Variants in TBC1D24 observed in about 807,000 individuals in gnomAD.
The protein encoded by TBC1D24 is TBC1 domain family member 24.
TBC1D24 carries 47 observed loss-of-function variants against 50.7 expected under a neutral mutation model. The ratio of observed to expected loss-of-function variants is 0.93; its 90% CI spans 0.73 to 1.18. The LOEUF is 1.18. Among genes scored for constraint, TBC1D24 ranks in the 50% most tolerant of loss-of-function variants. TBC1D24 has a pLI of 0.00. For synonymous variants in TBC1D24, 324 were observed against 335.2 expected, an observed-to-expected ratio of 0.97 and a Z score of 0.36; for missense variants, 688 against 766.5, an observed-to-expected ratio of 0.90 and a Z score of 1.21.
chr16:2,478,713 G>A (rs2065587752), intron 1 of TBC1D24: 2 of 151,990 alleles, frequency 1.3e-5, no homozygotes, highest in South Asian at 4.1e-4. Flanking sequence ...TTGGGGGAAT[G>A]GGGCAGGGTA....
Position 2,500,405 on chromosome 16 carries a change from G to A in TBC1D24, c.1440G>A (p.Ser480=), listed in dbSNP as rs12373107. 45,421 of 1,601,820 alleles carry A rather than the reference G, an allele frequency of 0.028. 874 individuals carry two copies. The highest frequency in any genetic ancestry group is 0.082 in the Admixed American group (4,802 of 58,880). The change falls in exon 7 of 8, where the codon TCG becomes TCA. Residue 480 remains serine (S), a synonymous_variant. Transcript: ENST00000646147. This position sits in a 1 kb window ranked among gnomAD's most constrained non-coding sequence, Gnocchi z 8.0. Reference sequence around the variant, plus strand: ...CCTCAGACCCCGCTGACCGCCTCTCGCCCTTCCTGGCCGCTCGCCACTTCA... The same window carrying A: ...CCTCAGACCCCGCTGACCGCCTCTCACCCTTCCTGGCCGCTCGCCACTTCA... ...SASSDPADRL[S]PFLAARHFNL... is the part of the protein sequence containing the mutation.
At chr16:2,492,306 C>T (rs1046671277) in intron 1 of TBC1D24, among the ~76,000 whole-genome samples, 1 of 152,092 alleles carries the variant, frequency 6.6e-6, no homozygotes, top group Non-Finnish European at 1.5e-5. Context: ...GTGAGTCCAG[C>T]ACGTCGCCGG....
intron 1 of TBC1D24, among the ~76,000 whole-genome samples, chr16:2,492,519 C>A (rs2141866372): frequency 6.6e-6 from 1 of 152,302 alleles, no homozygotes; most frequent in East Asian, 1.9e-4. Flanking sequence ...GTTCTTTCAC[C>A]CAAACAGGAT....
intron 1 of TBC1D24, among the ~76,000 whole-genome samples, chr16:2,492,595 A>T (rs115662902): frequency 9.2e-5 from 14 of 152,282 alleles, no homozygotes; most frequent in African/African-American, 3.1e-4. Context: ...AGCTGTGGAT[A>T]ACCGACCGAC....
intron 1 of TBC1D24, among the ~76,000 whole-genome samples, chr16:2,489,388 C>T (rs2065678433): frequency 6.6e-6 from 1 of 151,546 alleles, no homozygotes; most frequent in African/African-American, 2.4e-5. Context: ...GCCGAGATCG[C>T]GCCACTGCAC....
intron 4 of TBC1D24, among the ~76,000 whole-genome samples, chr16:2,498,614 G>A (rs979551540): frequency 6.6e-6 from 1 of 152,242 alleles, no homozygotes; most frequent in Non-Finnish European, 1.5e-5. Flanking sequence ...CCATGCAGGC[G>A]TCGTGAAGAC....
Position 2,499,797 on chromosome 16 carries a change from G to A in TBC1D24, c.1207-38G>A. The A allele has an allele frequency of 1.9e-6, 3 of 1,573,040 alleles. No individual in the cohort carries two copies. Among genetic ancestry groups the A allele is most frequent in the Non-Finnish European group, 2.6e-6 (3 of 1,142,436 alleles). The stretch of plus-strand genomic sequence containing the variant: ...TCTGGAGCACAGGGACGCTCCTGGG[G>A]GCCTGCGGGCACAGCCTCACCCAGA... On this transcript the variant is annotated intron_variant, in intron 5 of 7. Coordinates refer to ENST00000646147, the MANE Select transcript of TBC1D24 (RefSeq NM_001199107.2). This position sits in a 1 kb window ranked among gnomAD's most constrained non-coding sequence, Gnocchi z 4.0.
intron 2 of TBC1D24, 36 bp downstream of exon 2, chr16:2,497,149 G>T (rs1455335818): frequency 3.1e-6 from 5 of 1,598,408 alleles, no homozygotes; most frequent in Non-Finnish European, 3.4e-6. Flanking sequence ...GTACACCCAG[G>T]GTCGGGGGCT....
At chr16:2,476,262 G>A (rs537005569) in intron 1 of TBC1D24, among the ~76,000 whole-genome samples, 56 of 152,364 alleles carry the variant, frequency 3.7e-4, no homozygotes, top group African/African-American at 1.3e-3. Flanking sequence ...CACACAGTAG[G>A]CACCTGTAGA....
chr16:2,497,398 G>T (rs183268071), intron 2 of TBC1D24, among the ~76,000 whole-genome samples: 82 of 152,334 alleles, frequency 5.4e-4, no homozygotes, highest in Admixed American at 3.3e-3. Flanking sequence ...CCCACTCCCA[G>T]GGTCATTTCA....
At position 2,496,719 on chromosome 16, in the gene TBC1D24, T is replaced by A; in HGVS notation, c.571T>A (p.Cys191Ser). 1 of 1,613,758 alleles carries A rather than the reference T, an allele frequency of 6.2e-7. No homozygotes were observed. The highest frequency in any genetic ancestry group is 8.5e-7 in the Non-Finnish European group (1 of 1,180,030). Residue 191 changes from cysteine to serine, a missense_variant, in exon 2 of 8, where the codon TGC (cysteine) becomes AGC (serine). By Grantham distance (112) the Cys-to-Ser change is moderately radical. Transcript: ENST00000646147. ...MTFGDLVNKY[C>S]QAAHKLMVAV... is the part of the protein sequence containing the mutation. Reference sequence around the variant, plus strand: ...GTTTGGGGACCTGGTGAACAAGTACTGCCAGGCGGCCCACAAGCTGATGGT... The same window carrying A: ...GTTTGGGGACCTGGTGAACAAGTACAGCCAGGCGGCCCACAAGCTGATGGT...
At chr16:2,491,291 A>G (rs1473991441) in intron 1 of TBC1D24, among the ~76,000 whole-genome samples, 2 of 152,220 alleles carry the variant, frequency 1.3e-5, no homozygotes, top group Admixed American at 6.5e-5. Flanking sequence ...TTTGCATTCA[A>G]ATATCACCAG....
rs1389951927 is a variant in TBC1D24 at position 2,499,798 on chromosome 16, G to C, written c.1207-37G>C. On this transcript the variant is annotated intron_variant, in intron 5 of 7. Transcript: ENST00000646147. The surrounding 1 kb of genome is among the most constrained non-coding windows in gnomAD (Gnocchi z 4.0). The stretch of plus-strand genomic sequence containing the variant: ...CTGGAGCACAGGGACGCTCCTGGGG[G>C]CCTGCGGGCACAGCCTCACCCAGAC... The C allele has an allele frequency of 6.4e-7, 1 of 1,573,570 alleles. No individual in the cohort carries two copies. Among genetic ancestry groups the C allele is most frequent in the Admixed American group, 1.7e-5 (1 of 59,980 alleles).
intron 2 of TBC1D24, 101 bp downstream of exon 2, chr16:2,497,214 C>A: frequency 6.7e-7 from 1 of 1,489,610 alleles, no homozygotes; most frequent in Non-Finnish European, 9.2e-7. Flanking sequence ...GCGGCCTCTG[C>A]CCATGGTCCA....
At position 2,495,646 on chromosome 16, in the gene TBC1D24, G is replaced by A. The variant is rs1326198505; in HGVS notation, c.-115-388G>A. 2.0e-5 allele frequency among the ~76,000 whole-genome samples: 3 copies of A among 152,182 alleles called. No homozygotes were observed. The South Asian group carries it at 6.2e-4, about 31-fold the overall frequency. ...TACAAAAAATTAGCCAGGCATGGTGGTGCATGCCTTTAGTCCCAGCTACTC... is the reference window on the plus strand; with the variant it reads ...TACAAAAAATTAGCCAGGCATGGTGATGCATGCCTTTAGTCCCAGCTACTC... On this transcript the variant is annotated intron_variant, in intron 1 of 7. Coordinates refer to ENST00000646147, the MANE Select transcript of TBC1D24 (RefSeq NM_001199107.2).
intron 2 of TBC1D24, 92 bp from the exon 3 acceptor site, chr16:2,497,618 A>G (rs758442233): frequency 3.5e-5 from 46 of 1,317,618 alleles, no homozygotes; most frequent in Non-Finnish European, 4.6e-5. Context: ...CTGGGCCAGC[A>G]AAGGCCTGTC....
Position 2,496,246 on chromosome 16 carries a change from A to G in TBC1D24, c.98A>G (p.Gln33Arg). Residue 33 changes from glutamine (Q) to arginine (R), a missense_variant, in exon 2 of 8, where the codon CAG becomes CGG. By Grantham distance (43) the Gln-to-Arg change is conservative. Coordinates refer to ENST00000646147, the MANE Select transcript of TBC1D24 (RefSeq NM_001199107.2). ...GPKELSCTEL[Q>R]ELKQLARQGY... is the part of the protein sequence containing the mutation. Reference sequence around the variant, plus strand: ...AAGGAGCTGAGCTGCACTGAACTGCAGGAACTGAAGCAGCTGGCGCGCCAG... The same window carrying G: ...AAGGAGCTGAGCTGCACTGAACTGCGGGAACTGAAGCAGCTGGCGCGCCAG... The G allele has an allele frequency of 6.2e-7, 1 of 1,613,912 alleles. No individual in the cohort carries two copies. The highest frequency in any genetic ancestry group is 8.5e-7 in the Non-Finnish European group (1 of 1,180,032).
chr16:2,481,736 T>C (rs2065611844), intron 1 of TBC1D24: 1 of 152,316 alleles, frequency 6.6e-6, no homozygotes, highest in Admixed American at 6.5e-5. Flanking sequence ...TGTCTGGCTA[T>C]GAAAGGGTGG....
chr16:2,477,161 G>T (rs540722753), intron 1 of TBC1D24: 4 of 152,364 alleles, frequency 2.6e-5, no homozygotes, highest in Non-Finnish European at 5.9e-5. Context: ...AGCAATTTCA[G>T]TGGCTGTTTC....
Sources: gnomAD v4.1 joint callset for allele counts (sites outside exome capture counted in the v4.1 genomes callset) on GRCh38, gnomAD v4.1.1 for gene constraint, Gnocchi (gnomAD v3.1) non-coding constraint, MANE v1.5 for transcripts, NCBI Gene and HGNC (gene_info 2026-07-23, HGNC 2026-07-21) for gene names.